Variants in LYST observed in about 807,000 individuals in gnomAD.
LYST encodes lysosomal-trafficking regulator.
A neutral mutation model predicts 413.6 loss-of-function variants in LYST; 192 were observed. That is an observed-to-expected ratio of 0.46 (90% CI 0.41 to 0.52). The LOEUF is 0.52. LYST is among the 20% of genes least tolerant of loss of function. The pLI is 0.00. For synonymous variants in LYST, 1,525 were observed against 1,567.3 expected (o/e 0.97, Z 0.64); for missense variants, 3,815 against 4,499.9 (o/e 0.85, Z 4.35).
At chr1:235,778,310 T>C (rs1669516997) in intron 16 of LYST, among the ~76,000 whole-genome samples, 1 of 151,610 alleles carries the variant, frequency 6.6e-6, no homozygotes, top group Non-Finnish European at 1.5e-5. Flanking sequence ...GGAAATCATA[T>C]AGATTCAGTG....
At position 235,757,307 on chromosome 1, in the gene LYST, G is replaced by A. The variant is rs1293557896; in HGVS notation, c.7033C>T (p.Pro2345Ser). ...TLLVLVNHPS[P>S]AIQQGVIKLL... ...TTAATAACACCTTGTTGTATAGCTG[G>A]TGATGGGTGGTTAACGAGGACCAAA... The change falls in exon 24 of 53, where the codon CCA becomes TCA. Residue 2345 changes from proline (P) to serine (S), a missense_variant. Physicochemically the swap from Pro to Ser is moderately conservative, Grantham distance 74 (BLOSUM62 -1). Coordinates refer to ENST00000389793, the MANE Select transcript of LYST (RefSeq NM_000081.4). The A allele has an allele frequency of 4.3e-6, 7 of 1,613,120 alleles. No individual in the cohort carries two copies. Among genetic ancestry groups the A allele is most frequent in the African/African-American group, 1.3e-5 (1 of 74,758 alleles).
chr1:235,789,941 AATT>A (rs1670820420), intron 12 of LYST, among the ~76,000 whole-genome samples: 1 of 152,132 alleles, frequency 6.6e-6, no homozygotes, highest in Non-Finnish European at 1.5e-5. Context: ...AGGGTGACAA[AATT>A]GAGGTGCTGA....
At chr1:235,826,423 C>A (rs1675342513) in intron 3 of LYST, among the ~76,000 whole-genome samples, 1 of 152,124 alleles carries the variant, frequency 6.6e-6, no homozygotes, top group South Asian at 2.1e-4. Flanking sequence ...TACACCCATA[C>A]AATGAAATAC....
intron 14 of LYST, among the ~76,000 whole-genome samples, chr1:235,784,110 G>A (rs180690227): frequency 1.3e-5 from 2 of 152,144 alleles, no homozygotes; most frequent in East Asian, 3.9e-4. Context: ...GAATTCCCGT[G>A]CTCAAGCAAT....
At chr1:235,712,495 CAG>C in intron 42 of LYST, 1 of 651,334 alleles carries the variant, frequency 1.5e-6, no homozygotes, top group Non-Finnish European at 2.0e-6. Context: ...TCCACAAAAA[CAG>C]GGCCCTGGGA....
In LYST at chr1:235,813,046, C is replaced by T; in HGVS notation, c.208G>A (p.Glu70Lys). Reference sequence around the variant, plus strand: ...GACAGAAGAAGAGTCAGGAGTTCTTCTCTACATGTCAATGCCTATGTCAGT... The same window carrying T: ...GACAGAAGAAGAGTCAGGAGTTCTTTTCTACATGTCAATGCCTATGTCAGT... ...SIIDQALTCREELLTLLLSLL... is the reference protein window; with the variant it reads ...SIIDQALTCRKELLTLLLSLL... The change falls in exon 4 of 53, where the codon GAA becomes AAA. Residue 70 changes from glutamate to lysine, a missense_variant. Physicochemically the swap from Glu to Lys is moderately conservative, Grantham distance 56 (BLOSUM62 1). Transcript: ENST00000389793. 7 of 1,599,526 alleles carry T rather than the reference C, an allele frequency of 4.4e-6. No homozygotes were observed. The highest frequency in any genetic ancestry group is 6.0e-6 in the Non-Finnish European group (7 of 1,166,880).
In LYST at chr1:235,808,490, A is replaced by T. The variant is rs1256418488; in HGVS notation, c.2328T>A (p.Ile776=). ...NQCLPQDVLQ[I]YVKTLPILLK... is the part of the protein sequence containing the mutation. ...GCAGGATAGGCAGAGTTTTTACATAAATCTGAAGCACGTCCTGAGGCAAGC... is the reference window on the plus strand; with the variant it reads ...GCAGGATAGGCAGAGTTTTTACATATATCTGAAGCACGTCCTGAGGCAAGC... Residue 776 remains isoleucine, a synonymous_variant, in exon 5 of 53, where the codon ATT becomes ATA. Coordinates refer to ENST00000389793, the MANE Select transcript of LYST (RefSeq NM_000081.4). 1 of 1,613,894 alleles carries T rather than the reference A, an allele frequency of 6.2e-7. No homozygotes were observed. The highest frequency in any genetic ancestry group is 1.7e-5 in the Admixed American group (1 of 59,978).
At chr1:235,758,231 C>T (rs753624235) in intron 23 of LYST, among the ~76,000 whole-genome samples, 81 of 152,104 alleles carry the variant, frequency 5.3e-4, no homozygotes, top group Admixed American at 7.9e-4. Context: ...TATCTCATCA[C>T]CAAAGCAAGG....
intron 29 of LYST, among the ~76,000 whole-genome samples, chr1:235,746,086 C>T (rs1035925910): frequency 4.6e-5 from 7 of 152,158 alleles, no homozygotes; most frequent in Non-Finnish European, 7.3e-5. Context: ...GAATCTACAA[C>T]GATCTCAAAA....
chr1:235,732,023 T>A (rs917879679), intron 34 of LYST, among the ~76,000 whole-genome samples: 2 of 152,174 alleles, frequency 1.3e-5, no homozygotes, highest in Non-Finnish European at 2.9e-5. Flanking sequence ...AATACCCTTA[T>A]TCATACCCTA....
At chr1:235,737,920 T>A in intron 31 of LYST, 1 of 1,171,442 alleles carries the variant, frequency 8.5e-7, no homozygotes, top group Middle Eastern at 3.5e-4. Flanking sequence ...CCGACGAGTC[T>A]GGATCTCACT....
intron 47 of LYST, among the ~76,000 whole-genome samples, chr1:235,688,254 C>G (rs1210110232): frequency 6.6e-6 from 1 of 152,166 alleles, no homozygotes; most frequent in African/African-American, 2.4e-5. Context: ...TTTTCTATAT[C>G]CTGAAACATT....
chr1:235,721,663 T>C (rs1341982004), intron 39 of LYST, among the ~76,000 whole-genome samples: 1 of 152,172 alleles, frequency 6.6e-6, no homozygotes, highest in Non-Finnish European at 1.5e-5. Context: ...AGTTGTGGAA[T>C]AGGCAAAACC....
intron 1 of LYST, among the ~76,000 whole-genome samples, chr1:235,855,658 G>A (rs1349946547): frequency 6.6e-6 from 1 of 152,032 alleles, no homozygotes; most frequent in Non-Finnish European, 1.5e-5. Flanking sequence ...TTATGTAGCT[G>A]TACTATAATA....
At chr1:235,814,163 A>G (rs1047030074) in intron 3 of LYST, among the ~76,000 whole-genome samples, 5 of 152,210 alleles carry the variant, frequency 3.3e-5, no homozygotes, top group African/African-American at 1.2e-4. Flanking sequence ...CTGATAATGT[A>G]TTCACCAAGA....
Position 235,686,833 on chromosome 1 carries a change from G to T in LYST, c.10800+116C>A. On this transcript the variant is annotated intron_variant, in intron 48 of 52. Transcript: ENST00000389793. The surrounding 1 kb of genome is among the most constrained non-coding windows in gnomAD (Gnocchi z 4.0). ...ATTTTAAGACCTAATGTAGGGAGAAGATTAAGGTATAAACATTTTAAGTTA... is the reference window on the plus strand; with the variant it reads ...ATTTTAAGACCTAATGTAGGGAGAATATTAAGGTATAAACATTTTAAGTTA... 1 of 831,490 alleles carries T rather than the reference G, an allele frequency of 1.2e-6. No individual in the cohort carries two copies. Among genetic ancestry groups the T allele is most frequent in the Non-Finnish European group, 2.1e-6 (1 of 471,596 alleles). 51.5% of individuals were successfully genotyped at this position (831,490 alleles called of 1,614,324 possible). A position where few individuals can be genotyped will look rare whatever the true frequency, so the allele number is the denominator to read the frequency against.
chr1:235,881,637 A>G (rs768617972), intron 1 of LYST, among the ~76,000 whole-genome samples: 10 of 152,246 alleles, frequency 6.6e-5, no homozygotes, highest in Non-Finnish European at 1.5e-4. Flanking sequence ...GTGTGTATAT[A>G]TATTTACATA....
upstream of LYST, among the ~76,000 whole-genome samples, chr1:235,870,080 A>G (rs1333422017): frequency 6.6e-6 from 1 of 152,124 alleles, no homozygotes; most frequent in Non-Finnish European, 1.5e-5. Flanking sequence ...GACCCCACAC[A>G]TGAATGGACC....
At chr1:235,881,623 GT>G (rs1681379550) in intron 1 of LYST, among the ~76,000 whole-genome samples, 1 of 151,982 alleles carries the variant, frequency 6.6e-6, no homozygotes, top group African/African-American at 2.4e-5. Flanking sequence ...ATATATCACT[GT>G]GTGTGTGTAT....
Sources: gnomAD v4.1 joint callset for allele counts (sites outside exome capture counted in the v4.1 genomes callset) on GRCh38, gnomAD v4.1.1 for gene constraint, Gnocchi (gnomAD v3.1) non-coding constraint, MANE v1.5 for transcripts, NCBI Gene and HGNC (gene_info 2026-07-23, HGNC 2026-07-21) for gene names.